The following CNTNAP2 variants were observed in gnomAD, a reference collection of about 807,000 sequenced individuals.
CNTNAP2 encodes contactin-associated protein-like 2.
CNTNAP2 carries 98 observed loss-of-function variants against 155.2 expected under a neutral mutation model. The observed-to-expected ratio is 0.63, with a 90% CI of 0.54 to 0.75. CNTNAP2 has a LOEUF of 0.75. CNTNAP2 is among the 30% of genes least tolerant of loss of function. The pLI is 0.00. For missense variants in CNTNAP2, 1,727 were observed against 1,688.1 expected (o/e 1.02, Z -0.40); for synonymous variants, 651 against 631.2 (o/e 1.03, Z -0.47).
At chr7:147,056,856 G>A (rs1260035660) in intron 4 of CNTNAP2, among the ~76,000 whole-genome samples, 4 of 151,952 alleles carry the variant, frequency 2.6e-5, no homozygotes, top group East Asian at 1.9e-4. Context: ...CTGTAGCCTC[G>A]ACCTCCTGGG....
chr7:146,270,240 GTATAGAATTCAAGACCCTCCA>G (rs1181266578), intron 1 of CNTNAP2, among the ~76,000 whole-genome samples: 2 of 152,116 alleles, frequency 1.3e-5, no homozygotes, highest in Non-Finnish European at 2.9e-5. Context: ...GAATTCTTTT[GTATAGAATTCAAGACCCTCCA>G]TATTCAACCA....
At chr7:148,300,377 C>T (rs368084458) in intron 21 of CNTNAP2, among the ~76,000 whole-genome samples, 56 of 152,164 alleles carry the variant, frequency 3.7e-4, no homozygotes, top group African/African-American at 1.3e-3. Context: ...CTTTCATACT[C>T]GTTATATGTT....
intron 1 of CNTNAP2, among the ~76,000 whole-genome samples, chr7:146,294,983 G>C (rs1338265319): frequency 6.6e-6 from 1 of 152,054 alleles, no homozygotes. Context: ...ATAAAATATA[G>C]AGATTTTATG....
intron 1 of CNTNAP2, among the ~76,000 whole-genome samples, chr7:146,288,793 A>ATTTTTTT (rs757136036): frequency 8.0e-5 from 8 of 100,038 alleles, no homozygotes; most frequent in African/African-American, 3.8e-4. Context: ...AAAATTAGTA[A>ATTTTTTT]TTTTTTTTTT....
chr7:147,318,640 A>T (rs1164704094), intron 9 of CNTNAP2, among the ~76,000 whole-genome samples: 3 of 151,912 alleles, frequency 2.0e-5, no homozygotes, highest in African/African-American at 7.3e-5. Context: ...CAGGGAGGGG[A>T]ACATCACACA....
chr7:146,420,520 T>C (rs552843560), intron 1 of CNTNAP2, among the ~76,000 whole-genome samples: 52 of 152,084 alleles, frequency 3.4e-4, no homozygotes, highest in Non-Finnish European at 6.9e-4. Flanking sequence ...TAATAAGTTT[T>C]CTGGCAATAT....
intron 8 of CNTNAP2, among the ~76,000 whole-genome samples, chr7:147,217,160 T>C (rs749946532): frequency 1.3e-5 from 2 of 152,000 alleles, no homozygotes; most frequent in African/African-American, 2.4e-5. Flanking sequence ...TCTTTCTTGC[T>C]GCATTAGATA....
At chr7:147,640,010 A>T (rs969254221) in intron 13 of CNTNAP2, among the ~76,000 whole-genome samples, 1 of 151,592 alleles carries the variant, frequency 6.6e-6, no homozygotes, top group Non-Finnish European at 1.5e-5. Context: ...TCTGTAGTAA[A>T]ACACAGTGGA....
intron 18 of CNTNAP2, among the ~76,000 whole-genome samples, chr7:148,187,942 C>G (rs902097686): frequency 4.6e-5 from 7 of 152,008 alleles, no homozygotes; most frequent in Admixed American, 4.6e-4. Context: ...AACTTCACCC[C>G]CTACCCATCA....
intron 5 of CNTNAP2, among the ~76,000 whole-genome samples, chr7:147,116,698 T>C (rs372842735): frequency 6.6e-6 from 1 of 151,886 alleles, no homozygotes; most frequent in African/African-American, 2.4e-5. Flanking sequence ...ACCCAGGTGG[T>C]GACCCTCCCC....
chr7:147,571,924 C>G (rs1049415886), intron 12 of CNTNAP2, among the ~76,000 whole-genome samples: 1 of 152,198 alleles, frequency 6.6e-6, no homozygotes, highest in African/African-American at 2.4e-5. Flanking sequence ...TCCTTTATGT[C>G]TTCTTTCAGA....
intron 11 of CNTNAP2, among the ~76,000 whole-genome samples, chr7:147,509,889 T>G (rs1017201648): frequency 2.0e-5 from 3 of 152,286 alleles, no homozygotes; most frequent in Non-Finnish European, 2.9e-5. Flanking sequence ...TTTTAGTTAC[T>G]GAACTTCGAT....
chr7:146,120,810 A>G (rs1290911352), intron 1 of CNTNAP2, among the ~76,000 whole-genome samples: 1 of 152,194 alleles, frequency 6.6e-6, no homozygotes, highest in East Asian at 1.9e-4. Context: ...CATGCAGTAC[A>G]GGTTTGTAGC....
intron 3 of CNTNAP2, among the ~76,000 whole-genome samples, chr7:147,016,973 A>G (rs1798735753): frequency 6.6e-6 from 1 of 151,780 alleles, no homozygotes; most frequent in Non-Finnish European, 1.5e-5. Flanking sequence ...ATGATTTGGG[A>G]TGCTTGAGAA....
intron 1 of CNTNAP2, among the ~76,000 whole-genome samples, chr7:146,411,105 G>GACTATAGT (rs1795858321): frequency 6.6e-6 from 1 of 151,754 alleles, no homozygotes; most frequent in Non-Finnish European, 1.5e-5. Flanking sequence ...ACATCACAGT[G>GACTATAGT]ACTATAGTTA....
intron 21 of CNTNAP2, among the ~76,000 whole-genome samples, chr7:148,318,609 A>G (rs1350849979): frequency 1.3e-5 from 2 of 152,180 alleles, no homozygotes; most frequent in African/African-American, 4.8e-5. Context: ...ACCTACCCAA[A>G]AGCATTCAAA....
At position 146,892,360 on chromosome 7, in the gene CNTNAP2, C is replaced by G. The variant is rs184312610; in HGVS notation, c.402+52456C>G. ...GGTCCAGAGCCAAGAAACTGGTAACCTGTCACATTCCAATCATTCCATTGG... is the reference window on the plus strand; with the variant it reads ...GGTCCAGAGCCAAGAAACTGGTAACGTGTCACATTCCAATCATTCCATTGG... On this transcript the variant is annotated intron_variant, in intron 3 of 23. Transcript: ENST00000361727. Among the ~76,000 whole-genome samples, 283 of 152,254 alleles carry G rather than the reference C, an allele frequency of 1.9e-3. 3 individuals are homozygous for G. Among genetic ancestry groups the G allele is most frequent in the African/African-American group, 6.0e-3 (248 of 41,564 alleles).
At chr7:147,348,709 C>T (rs2116874354) in intron 9 of CNTNAP2, among the ~76,000 whole-genome samples, 1 of 152,192 alleles carries the variant, frequency 6.6e-6, no homozygotes, top group South Asian at 2.1e-4. Flanking sequence ...TTTATTGCAG[C>T]ACTATTCACA....
intron 1 of CNTNAP2, among the ~76,000 whole-genome samples, chr7:146,335,976 G>C (rs1801267642): frequency 6.6e-6 from 1 of 152,134 alleles, no homozygotes; most frequent in Non-Finnish European, 1.5e-5. Context: ...GAGGTGGGCA[G>C]ATCACCTAAG....
Sources: allele counts gnomAD v4.1 joint callset (sites outside exome capture counted in the v4.1 genomes callset), GRCh38; gene constraint gnomAD v4.1.1; transcripts MANE v1.5; gene names NCBI Gene and HGNC (gene_info 2026-07-23, HGNC 2026-07-21).